The following OGDH variants were observed in gnomAD, a reference collection of about 807,000 sequenced individuals.
OGDH encodes 2-oxoglutarate dehydrogenase complex component E1.
Under a neutral mutation model 116.6 loss-of-function variants are expected in OGDH, and 38 were observed. The ratio of observed to expected loss-of-function variants is 0.33; its 90% CI spans 0.25 to 0.43. The LOEUF is 0.43. Among genes scored for constraint, OGDH ranks in the 20% least tolerant of loss-of-function variants. The pLI is 1.00. For missense variants in OGDH, 825 were observed against 1,357.2 expected (o/e 0.61, Z 6.16); for synonymous variants, 488 against 533.3 (o/e 0.92, Z 1.17).
intron 1 of OGDH, among the ~76,000 whole-genome samples, chr7:44,609,450 C>T (rs977940492): frequency 1.4e-5 from 2 of 147,666 alleles, no homozygotes; most frequent in Non-Finnish European, 3.0e-5. Flanking sequence ...GTGGTGGCTG[C>T]GGTGAGCCGA....
In OGDH at chr7:44,674,535, G is replaced by T. The variant is rs200004357; in HGVS notation, c.913G>T (p.Val305Leu). Residue 305 changes from valine (V) to leucine (L), a missense_variant, in exon 7 of 23, where the codon GTG becomes TTG. Around this residue, in one of 7 missense-constraint regions of OGDH, gnomAD observed 171 missense variants for 276.8 expected, o/e 0.62. Transcript: ENST00000222673. ...DKSSENGVDYVIMGMPHRGRL... is the reference protein window; with the variant it reads ...DKSSENGVDYLIMGMPHRGRL... Reference sequence around the variant, plus strand: ...GTCTAGTGAGAATGGCGTGGACTACGTGATCATGGGCATGCCACACAGGTA... The same window carrying T: ...GTCTAGTGAGAATGGCGTGGACTACTTGATCATGGGCATGCCACACAGGTA... 8.1e-6 allele frequency: 13 copies of T among 1,613,998 alleles called. No homozygotes were observed. Among genetic ancestry groups the T allele is most frequent in the Non-Finnish European group, 1.1e-5 (13 of 1,180,014 alleles).
chr7:44,641,209 CTTTTTTTTTTTTTTTCTTTTTTT>C (rs1286837510), intron 2 of OGDH, among the ~76,000 whole-genome samples: 1 of 108,590 alleles, frequency 9.2e-6, no homozygotes, highest in Admixed American at 1.0e-4. Flanking sequence ...CCTTTTTCTT[CTTTTTTTTTTTTTTTCTTTTTTT>C]TTTTTTTTTT....
chr7:44,624,660 C>T (rs570580207), intron 2 of OGDH, 95 bp downstream of exon 2: 520 of 1,072,378 alleles, frequency 4.8e-4, no homozygotes, highest in Admixed American at 1.4e-3. Context: ...GAGGAGTCAG[C>T]GGGCAGACAG....
intron 10 of OGDH, among the ~76,000 whole-genome samples, chr7:44,683,354 G>A (rs879436246): frequency 4.6e-5 from 7 of 152,008 alleles, no homozygotes; most frequent in Non-Finnish European, 8.8e-5. Context: ...TCAGCCTCCC[G>A]AGTAGCAAGG....
intron 12 of OGDH, among the ~76,000 whole-genome samples, chr7:44,695,305 A>G (rs957908913): frequency 2.0e-5 from 3 of 150,744 alleles, no homozygotes; most frequent in African/African-American, 7.3e-5. Flanking sequence ...CGTGTTGGCC[A>G]GGCTGGTCTT....
intron 2 of OGDH, among the ~76,000 whole-genome samples, chr7:44,628,537 G>C (rs905025150): frequency 6.6e-6 from 1 of 151,444 alleles, no homozygotes; most frequent in African/African-American, 2.4e-5. Flanking sequence ...AGGATTGCTT[G>C]AGTCCAGGAG....
At position 44,687,520 on chromosome 7, in the gene OGDH, A is replaced by G. The variant is rs1441469370; in HGVS notation, c.1335+5672A>G. ...AGCCTCCACCTCCGAGGCTCAAGCAATCCTCCCACTTCAGCCTCCTCAGTA... is the reference window on the plus strand; with the variant it reads ...AGCCTCCACCTCCGAGGCTCAAGCAGTCCTCCCACTTCAGCCTCCTCAGTA... On this transcript the variant is annotated intron_variant, in intron 10 of 22. Transcript: ENST00000222673. Among the ~76,000 whole-genome samples the G allele has an allele frequency of 2.6e-5, 4 of 152,112 alleles. No homozygotes were observed. In the South Asian group the frequency reaches 6.2e-4, roughly 24 times the overall value.
In OGDH at chr7:44,695,657, C is replaced by G. The variant is rs142259038; in HGVS notation, c.1669-368C>G. ...GGCGGAAGTTGCAGTGAGGCAAGAT[C>G]GCGCCATTGCACTCCAGCCTGGTGA... On this transcript the variant is annotated intron_variant, in intron 12 of 22. Coordinates refer to ENST00000222673, the MANE Select transcript of OGDH (RefSeq NM_002541.4). 7.3e-3 allele frequency among the ~76,000 whole-genome samples: 1,095 copies of G among 150,458 alleles called. 11 individuals carry two copies. Among genetic ancestry groups the G allele is most frequent in the African/African-American group, 0.025 (1,034 of 40,906 alleles).
At chr7:44,689,586 G>A (rs1220445051) in intron 10 of OGDH, among the ~76,000 whole-genome samples, 1 of 151,376 alleles carries the variant, frequency 6.6e-6, no homozygotes, top group Non-Finnish European at 1.5e-5. Context: ...GTTATTGTCT[G>A]TTTTATTCTA....
chr7:44,607,367 A>G (rs1186748964), intron 1 of OGDH, among the ~76,000 whole-genome samples: 1 of 152,172 alleles, frequency 6.6e-6, no homozygotes, highest in Non-Finnish European at 1.5e-5. Context: ...GAGATTTAAT[A>G]GAAAACTTGC....
Position 44,666,854 on chromosome 7 carries a change from A to G in OGDH, c.633+3A>G, listed in dbSNP as rs937004235. 6.3e-7 allele frequency: 1 copy of G among 1,596,924 alleles called. No homozygotes were observed. Among genetic ancestry groups the G allele is most frequent in the South Asian group, 1.1e-5 (1 of 89,560 alleles). On this transcript the variant is annotated splice_donor_region_variant and intron_variant, in intron 5 of 22. Coordinates refer to ENST00000222673, the MANE Select transcript of OGDH (RefSeq NM_002541.4). ...GGGAGATCATCCGTCGGCTGGAGGT[A>G]AGAGCAGTTTCTGGAAAAATCTAAT...
At chr7:44,689,517 A>G (rs6967004) in intron 10 of OGDH, among the ~76,000 whole-genome samples, 32,844 of 148,292 alleles carry the variant, frequency 0.22, 5,265 homozygotes, top group East Asian at 0.45. Context: ...GGGATTACAC[A>G]CATGAGCCAC....
chr7:44,676,042 A>G lies in OGDH; in HGVS notation c.1099A>G (p.Thr367Ala). 1.2e-6 allele frequency: 2 copies of G among 1,614,072 alleles called. No individual in the cohort carries two copies. The highest frequency in any genetic ancestry group is 8.5e-7 in the Non-Finnish European group (1 of 1,180,014). ...CAATCGTGTCACCGACAGGAACATT[A>G]CCTTGTCCTTGGTGGCCAACCCTTC... is the stretch of plus-strand genomic sequence containing the variant. ...RINRVTDRNI[T>A]LSLVANPSHL... The change falls in exon 9 of 23, where the codon ACC becomes GCC. Residue 367 changes from threonine (T) to alanine (A), a missense_variant. Physicochemically the swap from Thr to Ala is moderately conservative, Grantham distance 58 (BLOSUM62 0). Around this residue, in one of 7 missense-constraint regions of OGDH, gnomAD observed 146 missense variants for 317.3 expected, o/e 0.46. Transcript: ENST00000222673.
intron 1 of OGDH, among the ~76,000 whole-genome samples, chr7:44,608,333 G>A (rs993417897): frequency 6.6e-6 from 1 of 151,836 alleles, no homozygotes; most frequent in Non-Finnish European, 1.5e-5. Flanking sequence ...GCATGAGCCA[G>A]GGAGGTCCAA....
intron 2 of OGDH, among the ~76,000 whole-genome samples, chr7:44,626,877 G>T (rs546132246): frequency 6.6e-6 from 1 of 152,200 alleles, no homozygotes; most frequent in South Asian, 2.1e-4. Context: ...CAGCAATCCC[G>T]GTTGTCATCC....
chr7:44,629,974 T>G (rs1186926125), intron 2 of OGDH, among the ~76,000 whole-genome samples: 1 of 152,218 alleles, frequency 6.6e-6, no homozygotes, highest in East Asian at 1.9e-4. Context: ...GGAGGGTCTC[T>G]ATGCGTTCAG....
rs1174422682 is a variant in OGDH at position 44,647,643 on chromosome 7, T to C, written c.415-14T>C. ...TTGTGTGTGTCCTTCCCTCTCATCG[T>C]TGGCCACTCATAGATACGAGGGCAC... is the stretch of plus-strand genomic sequence containing the variant. On this transcript the variant is annotated splice_polypyrimidine_tract_variant and intron_variant, in intron 3 of 22. Transcript: ENST00000222673. 1.2e-6 allele frequency: 2 copies of C among 1,608,948 alleles called. No homozygotes were observed. The highest frequency in any genetic ancestry group is 2.2e-5 in the East Asian group (1 of 44,850).
intron 18 of OGDH, among the ~76,000 whole-genome samples, chr7:44,699,923 T>A (rs1257908506): frequency 6.6e-6 from 1 of 152,098 alleles, no homozygotes; most frequent in South Asian, 2.1e-4. Context: ...AGATCTCGTG[T>A]GAACTCAGAG....
chr7:44,676,315 G>T, intron 9 of OGDH, 166 bp downstream of exon 9: 1 of 1,470,428 alleles, frequency 6.8e-7, no homozygotes, highest in Non-Finnish European at 9.1e-7. Flanking sequence ...CAGCACTTTG[G>T]GAGGCCGAGG....
Sources: allele counts gnomAD v4.1 joint callset (sites outside exome capture counted in the v4.1 genomes callset), GRCh38; gene constraint gnomAD v4.1.1; regional missense constraint gnomAD v4.1.1; transcripts MANE v1.5; gene names NCBI Gene and HGNC (gene_info 2026-07-23, HGNC 2026-07-21).